The following SIPA1L3 variants were observed in gnomAD, a reference collection of about 807,000 sequenced individuals.
SIPA1L3 encodes the protein signal-induced proliferation-associated 1-like protein 3.
A neutral mutation model predicts 150.1 loss-of-function variants in SIPA1L3; 59 were observed. The ratio of observed to expected loss-of-function variants is 0.39; its 90% confidence interval spans 0.32 to 0.49. SIPA1L3 has a LOEUF of 0.49. SIPA1L3 is among the 20% of genes least tolerant of loss of function. SIPA1L3 has a pLI of 0.86. For missense variants in SIPA1L3, 2,211 were observed against 2,489.5 expected (o/e 0.89, Z 2.38); for synonymous variants, 1,070 against 1,077.6 (o/e 0.99, Z 0.14).
At chr19:38,174,422 G>A (rs1436924288) in intron 15 of SIPA1L3, among the ~76,000 whole-genome samples, 1 of 152,184 alleles carries the variant, frequency 6.6e-6, no homozygotes, top group African/African-American at 2.4e-5. Context: ...ATGTGGGTGA[G>A]CAGTGTGACT....
chr19:38,030,020 GATTTTTGT>G (rs1968609501), intron 2 of SIPA1L3, among the ~76,000 whole-genome samples: 2 of 151,950 alleles, frequency 1.3e-5, no homozygotes, highest in African/African-American at 4.8e-5. Flanking sequence ...ATGCCCGGCT[GATTTTTGT>G]ATTTTTGTAG....
intron 16 of SIPA1L3, among the ~76,000 whole-genome samples, chr19:38,187,944 C>T (rs1314061231): frequency 6.6e-6 from 1 of 150,874 alleles, no homozygotes; most frequent in Non-Finnish European, 1.5e-5. Context: ...TGCAGTGAGC[C>T]GAGATCGTGC....
chr19:38,161,876 CAAA>C (rs11365704), intron 13 of SIPA1L3, among the ~76,000 whole-genome samples: 3 of 141,854 alleles, frequency 2.1e-5, no homozygotes, highest in African/African-American at 2.6e-5. Flanking sequence ...AGCAAGACCT[CAAA>C]AAAAAAAAAA....
At chr19:38,145,303 C>T (rs539049262) in intron 12 of SIPA1L3, among the ~76,000 whole-genome samples, 22 of 152,020 alleles carry the variant, frequency 1.4e-4, no homozygotes, top group African/African-American at 4.8e-4. Flanking sequence ...AGGCCGAGAT[C>T]GGTGGATCAT....
intron 11 of SIPA1L3, among the ~76,000 whole-genome samples, chr19:38,142,319 T>TGAGTTGCGGGCAGCCGC (rs1404280567): frequency 6.6e-6 from 1 of 152,154 alleles, no homozygotes; most frequent in Non-Finnish European, 1.5e-5. Flanking sequence ...GCAGAAGCTG[T>TGAGTTGCGGGCAGCCGC]GAGTTGCGGG....
intron 8 of SIPA1L3, among the ~76,000 whole-genome samples, chr19:38,111,999 A>G (rs1970767519): frequency 1.3e-5 from 2 of 150,968 alleles, no homozygotes; most frequent in Non-Finnish European, 3.0e-5. Flanking sequence ...ACACACCTGC[A>G]CACAGGCACA....
rs537201348 is a variant in SIPA1L3, at chr19:37,940,302, A to C, written c.-379+32944A>C. On this transcript the variant is annotated intron_variant, in intron 1 of 21. Coordinates refer to ENST00000222345, the MANE Select transcript of SIPA1L3 (RefSeq NM_015073.3). ...CCCTGCCTAAAAACAAACAAACAAA[A>C]AAAAAAACAAAAAAAAAGCTTTACC... Among the ~76,000 whole-genome samples, 367 of 151,156 alleles carry C rather than the reference A, an allele frequency of 2.4e-3. 1 individual carries two copies. The highest frequency in any genetic ancestry group is 3.8e-3 in the Non-Finnish European group (261 of 67,942).
chr19:38,136,183 C>CAAAAA (rs56146390), intron 10 of SIPA1L3, among the ~76,000 whole-genome samples: 13,155 of 43,902 alleles, frequency 0.3, 2,748 homozygotes, highest in East Asian at 0.54. Context: ...GAGACTGTCT[C>CAAAAA]AAAAAAAAAA....
At chr19:38,150,529 C>CTTT (rs201046693) in intron 12 of SIPA1L3, among the ~76,000 whole-genome samples, 5 of 119,836 alleles carry the variant, frequency 4.2e-5, no homozygotes, top group Admixed American at 8.8e-5. Flanking sequence ...AATATCAACA[C>CTTT]TTTTTTTTTT....
Position 38,100,111 on chromosome 19 carries a change from C to G in SIPA1L3, c.1815C>G (p.Pro605=). 1 of 1,601,430 alleles carries G rather than the reference C, an allele frequency of 6.2e-7. No individual in the cohort carries two copies. The highest frequency in any genetic ancestry group is 8.5e-7 in the Non-Finnish European group (1 of 1,175,150). ...GCCTGCGGCTGGCCCTCAACACCCC[C>G]AAGGTGACGGAGCAACTGCTGAAGC... The part of the protein sequence containing the change: ...IHCLRLALNT[P]KVTEQLLKLD... Residue 605 remains proline, a synonymous_variant, in exon 5 of 22, where the codon CCC becomes CCG. Coordinates refer to ENST00000222345, the MANE Select transcript of SIPA1L3 (RefSeq NM_015073.3).
intron 1 of SIPA1L3, among the ~76,000 whole-genome samples, chr19:38,008,788 G>T (rs549474427): frequency 6.6e-6 from 1 of 151,916 alleles, no homozygotes; most frequent in Non-Finnish European, 1.5e-5. Context: ...TCGAACTCCT[G>T]GCCTCAAGCA....
intron 1 of SIPA1L3, among the ~76,000 whole-genome samples, chr19:37,938,555 T>A (rs990654883): frequency 6.6e-6 from 1 of 152,160 alleles, no homozygotes; most frequent in African/African-American, 2.4e-5. Flanking sequence ...GAATATCTTT[T>A]CATTCATGTT....
At chr19:38,199,775 A>G (rs1306669957) in intron 19 of SIPA1L3, 1 of 152,104 alleles carries the variant, frequency 6.6e-6, no homozygotes, top group Non-Finnish European at 1.5e-5. Flanking sequence ...TTTCCCTTGC[A>G]ATTCACATAA....
At chr19:38,198,889 A>T (rs367738578) in intron 19 of SIPA1L3, among the ~76,000 whole-genome samples, 48 of 152,258 alleles carry the variant, frequency 3.2e-4, no homozygotes, top group African/African-American at 1.1e-3. Flanking sequence ...CAGGAGGTGG[A>T]GGCTGTGTGG....
intron 2 of SIPA1L3, among the ~76,000 whole-genome samples, chr19:38,048,854 G>A (rs547238709): frequency 6.6e-6 from 1 of 152,290 alleles, no homozygotes; most frequent in African/African-American, 2.4e-5. Context: ...ACTTTGGGAG[G>A]CTGAGGCGGG....
At chr19:38,122,484 C>CTCCCGGACACT (rs1971043679) in intron 9 of SIPA1L3, among the ~76,000 whole-genome samples, 3 of 152,176 alleles carry the variant, frequency 2.0e-5, no homozygotes, top group African/African-American at 7.2e-5. Context: ...ACCCTGGTCT[C>CTCCCGGACACT]TCCCGGACAC....
chr19:37,969,215 A>G (rs1006750272), intron 1 of SIPA1L3, among the ~76,000 whole-genome samples: 11 of 152,028 alleles, frequency 7.2e-5, no homozygotes, highest in African/African-American at 9.7e-5. Flanking sequence ...CCTGGGCAAT[A>G]AAGAGAGACC....
rs145785548 is a variant in SIPA1L3 at position 37,947,558 on chromosome 19, T to A, written c.-379+40200T>A. Reference sequence around the variant, plus strand: ...AGTTGTCCCTATCCTACTGACTAAATAATCCGTTCTTTCCCACTAATATGA... The same window carrying A: ...AGTTGTCCCTATCCTACTGACTAAAAAATCCGTTCTTTCCCACTAATATGA... On this transcript the variant is annotated intron_variant, in intron 1 of 21. Coordinates refer to ENST00000222345, the MANE Select transcript of SIPA1L3 (RefSeq NM_015073.3). Among the ~76,000 whole-genome samples the A allele has an allele frequency of 3.5e-3, 532 of 151,932 alleles. 3 individuals carry two copies. Among genetic ancestry groups the A allele is most frequent in the African/African-American group, 0.012 (498 of 41,432 alleles).
chr19:38,171,754 G>C (rs1307352332), intron 15 of SIPA1L3, among the ~76,000 whole-genome samples: 1 of 152,104 alleles, frequency 6.6e-6, no homozygotes, highest in Non-Finnish European at 1.5e-5. Flanking sequence ...CTACTCAAGA[G>C]GCTGAGGTGA....
Sources: allele counts gnomAD v4.1 joint callset (sites outside exome capture counted in the v4.1 genomes callset), GRCh38; gene constraint gnomAD v4.1.1; transcripts MANE v1.5; gene names NCBI Gene and HGNC (gene_info 2026-07-23, HGNC 2026-07-21).